Variants in TRPV5 observed in about 807,000 individuals in gnomAD.
TRPV5 encodes transient receptor potential cation channel subfamily V member 5.
Under a neutral mutation model 74.1 loss-of-function variants are expected in TRPV5, and 66 were observed. The observed-to-expected ratio is 0.89, with a 90% CI of 0.73 to 1.09. The LOEUF (loss-of-function observed/expected upper bound fraction) is 1.09. Ranked by LOEUF, TRPV5 falls within the 50% of genes least tolerant of loss-of-function variation. The pLI, the probability that TRPV5 is intolerant of heterozygous loss-of-function variation, is 0.00. For synonymous variants in TRPV5, 399 were observed against 360.7 expected (o/e 1.11, Z -1.20); for missense variants, 936 against 930.4 (o/e 1.01, Z -0.08).
chr7:142,909,431 C>T (rs559138245), intron 14 of TRPV5, 59 bp downstream of exon 14: 2 of 1,584,792 alleles, frequency 1.3e-6, no homozygotes, highest in Admixed American at 1.7e-5. Context: ...CTGTCGGTCA[C>T]CCTTGCTTCC....
rs1236213840 is a variant in TRPV5 at position 142,933,603 on chromosome 7, C to A, written c.-144G>T. On this transcript the variant is annotated 5_prime_UTR_variant, in exon 1 of 15. Coordinates refer to ENST00000265310, the MANE Select transcript of TRPV5 (RefSeq NM_019841.7). ...CTGTATGACTTGTGTATGCAGCATG[C>A]AGCTTGTAGGTGTGTGTGTGTGCAT... 4 of 1,139,454 alleles carry A rather than the reference C, an allele frequency of 3.5e-6. No homozygotes were observed. Among genetic ancestry groups the A allele is most frequent in the Non-Finnish European group, 3.7e-6 (3 of 800,364 alleles). 70.6% of individuals were successfully genotyped at this position (1,139,454 alleles called of 1,614,324 possible).
rs200817164 is a variant in TRPV5 at position 142,908,755 on chromosome 7, A to T, written c.1949T>A (p.Val650Glu). The change falls in exon 15 of 15, where the codon GTG (valine) becomes GAG (glutamate). Residue 650 changes from valine to glutamate, a missense_variant. Transcript: ENST00000265310. Reference protein sequence around the residue: ...NPLRVLRYVEVFKNSDKEDDQ... With the variant: ...NPLRVLRYVEEFKNSDKEDDQ... ...ATCCTCCTTGTCTGAGTTCTTGAAC[A>T]CTTCCACATAGCGAAGCACTCGCAG... is the stretch of plus-strand genomic sequence containing the variant. 9.3e-5 allele frequency: 150 copies of T among 1,613,996 alleles called. No homozygotes were observed. The East Asian group carries it at 3.3e-3, about 36-fold the overall frequency.
In TRPV5 at chr7:142,908,334, T is replaced by C. The variant is rs561758634; in HGVS notation, c.*180A>G. 12 of 678,456 alleles carry C rather than the reference T, an allele frequency of 1.8e-5. No homozygotes were observed. The East Asian group carries it at 3.3e-4, about 19-fold the overall frequency. 42.0% of individuals were successfully genotyped at this position (678,456 alleles called of 1,614,324 possible). A position where few individuals can be genotyped will look rare whatever the true frequency, so the allele number is the denominator to read the frequency against. ...AAATACGTGAGACAATCGATGACCA[T>C]TGCCCATTGCCAGAAATTCTGATGT... On this transcript the variant is annotated 3_prime_UTR_variant, in exon 15 of 15. Coordinates refer to ENST00000265310, the MANE Select transcript of TRPV5 (RefSeq NM_019841.7).
chr7:142,908,415 C>T lies in TRPV5; in HGVS notation c.*99G>A, dbSNP rs1010346930. 3 of 1,345,132 alleles carry T rather than the reference C, an allele frequency of 2.2e-6. No homozygotes were observed. Among genetic ancestry groups the T allele is most frequent in the East Asian group, 2.3e-5 (1 of 42,646 alleles). 83.3% of individuals were successfully genotyped at this position (1,345,132 alleles called of 1,614,324 possible). ...TTCTGTCTCACCCTCCCATGATTAA[C>T]AGGCACAGAAGTTAGACACTTGCAT... On this transcript the variant is annotated 3_prime_UTR_variant, in exon 15 of 15. Coordinates refer to ENST00000265310, the MANE Select transcript of TRPV5 (RefSeq NM_019841.7).
At chr7:142,926,884 G>A (rs947443857) in intron 7 of TRPV5, among the ~76,000 whole-genome samples, 2 of 152,152 alleles carry the variant, frequency 1.3e-5, no homozygotes, top group African/African-American at 2.4e-5. Context: ...TCTTCTATTC[G>A]TTAGTATTAA....
At chr7:142,920,984 TC>T (rs4252455) in intron 8 of TRPV5, among the ~76,000 whole-genome samples, 2,469 of 152,326 alleles carry the variant, frequency 0.016, 57 homozygotes, top group African/African-American at 0.056. Context: ...TCTCCTCATC[TC>T]TTTCCCTGTC....
chr7:142,927,432 T>C (rs1348568592), intron 7 of TRPV5, among the ~76,000 whole-genome samples: 1 of 152,204 alleles, frequency 6.6e-6, no homozygotes, highest in East Asian at 1.9e-4. Context: ...CATATTACTA[T>C]AAAGAACTAC....
chr7:142,928,965 T>G (rs1021285822), intron 5 of TRPV5, 57 bp downstream of exon 5: 1 of 1,612,592 alleles, frequency 6.2e-7, no homozygotes, highest in Admixed American at 1.7e-5. Context: ...CTCCACTCCT[T>G]ACCCTGTCCC....
At chr7:142,913,281 C>T (rs1795733930) in intron 12 of TRPV5, among the ~76,000 whole-genome samples, 1 of 152,154 alleles carries the variant, frequency 6.6e-6, no homozygotes, top group Non-Finnish European at 1.5e-5. Context: ...CGGATTCCTG[C>T]TTAGGGTGGA....
chr7:142,928,724 G>A lies in TRPV5; in HGVS notation c.729C>T (p.Pro243=), dbSNP rs1796030714. 1.9e-6 allele frequency: 3 copies of A among 1,614,132 alleles called. No individual in the cohort carries two copies. Among genetic ancestry groups the A allele is most frequent in the Non-Finnish European group, 2.5e-6 (3 of 1,179,988 alleles). The change falls in exon 6 of 15, where the codon CCC becomes CCT. Residue 243 remains proline (P), a synonymous_variant. Coordinates refer to ENST00000265310, the MANE Select transcript of TRPV5 (RefSeq NM_019841.7). ...TACCCTCCACTCCAGCCAGCTTGAA[G>A]GGGGTGAGACCCTGGTGATTGGGCA... The part of the protein sequence containing the change: ...DLVPNHQGLT[P]FKLAGVEGNT...
rs192111319 is a variant in TRPV5, at chr7:142,909,513, C to A, written c.1872G>T (p.Gly624=). The stretch of plus-strand genomic sequence containing the variant: ...ACCGCAGGAACCAGCGGTCCCCCAG[C>A]CCGAATTCGCACCCACAGATCCCGG... The part of the protein sequence containing the change: ...PRSGICGCEF[G]LGDRWFLRVE... Residue 624 remains glycine (G), a synonymous_variant, in exon 14 of 15, where the codon GGG becomes GGT. Transcript: ENST00000265310. 5.6e-6 allele frequency: 9 copies of A among 1,614,064 alleles called. No individual in the cohort carries two copies. In the East Asian group the frequency reaches 1.6e-4, roughly 28 times the overall value.
chr7:142,923,621 C>T (rs955006092), intron 8 of TRPV5, among the ~76,000 whole-genome samples: 1 of 151,754 alleles, frequency 6.6e-6, no homozygotes, highest in African/African-American at 2.4e-5. Flanking sequence ...TTCACTGAAG[C>T]AGAAGGCAGA....
rs1436631191 is a variant in TRPV5, at chr7:142,928,726, G to C, written c.727C>G (p.Pro243Ala). The change falls in exon 6 of 15, where the codon CCC becomes GCC. Residue 243 changes from proline (P) to alanine (A), a missense_variant. By Grantham distance (27) the Pro-to-Ala change is conservative. Coordinates refer to ENST00000265310, the MANE Select transcript of TRPV5 (RefSeq NM_019841.7). ...DLVPNHQGLT[P>A]FKLAGVEGNT... ...CCCTCCACTCCAGCCAGCTTGAAGG[G>C]GGTGAGACCCTGGTGATTGGGCACA... is the stretch of plus-strand genomic sequence containing the variant. 6.2e-7 allele frequency: 1 copy of C among 1,614,146 alleles called. No individual in the cohort carries two copies. Among genetic ancestry groups the C allele is most frequent in the Non-Finnish European group, 8.5e-7 (1 of 1,180,010 alleles).
chr7:142,911,123 G>A (rs953636709), intron 13 of TRPV5, among the ~76,000 whole-genome samples: 6 of 152,174 alleles, frequency 3.9e-5, no homozygotes, highest in South Asian at 2.1e-4. Context: ...TCGGAGCTGC[G>A]TGTTGCATTG....
At chr7:142,924,301 C>CATATAT (rs1481130391) in intron 8 of TRPV5, among the ~76,000 whole-genome samples, 1 of 93,942 alleles carries the variant, frequency 1.1e-5, no homozygotes, top group African/African-American at 5.0e-5. Context: ...TATATATATA[C>CATATAT]ATATATATAT....
chr7:142,931,801 A>G (rs1415353817), intron 1 of TRPV5, among the ~76,000 whole-genome samples: 2 of 152,126 alleles, frequency 1.3e-5, no homozygotes, highest in Non-Finnish European at 2.9e-5. Flanking sequence ...TCCTGGGTTC[A>G]AGTGATTCTC....
At chr7:142,916,137 T>C (rs1231467293) in intron 8 of TRPV5, among the ~76,000 whole-genome samples, 2 of 152,254 alleles carry the variant, frequency 1.3e-5, no homozygotes, top group Admixed American at 1.3e-4. Context: ...AGAGTCATTG[T>C]GAAGCTTACA....
chr7:142,910,152 T>C (rs1473470247), intron 13 of TRPV5, among the ~76,000 whole-genome samples: 1 of 152,196 alleles, frequency 6.6e-6, no homozygotes, highest in Non-Finnish European at 1.5e-5. Context: ...GCTTATCAAA[T>C]ATGCCTGTGA....
intron 8 of TRPV5, among the ~76,000 whole-genome samples, chr7:142,916,897 TTTTTTC>T (rs1274410407): frequency 1.3e-5 from 2 of 151,524 alleles, no homozygotes; most frequent in Admixed American, 6.6e-5. Context: ...CAACACTTTT[TTTTTTC>T]TTTTTTGGCT....
Sources: gnomAD v4.1 joint callset for allele counts (sites outside exome capture counted in the v4.1 genomes callset) on GRCh38, gnomAD v4.1.1 for gene constraint, MANE v1.5 for transcripts, NCBI Gene and HGNC (gene_info 2026-07-23, HGNC 2026-07-21) for gene names.